ASTN2: variants seen among roughly 807,000 people sequenced by gnomAD.
The protein encoded by ASTN2 is astrotactin 2, also known as astrotactin-2.
Under a neutral mutation model 139.8 loss-of-function variants are expected in ASTN2, and 54 were observed. That is an observed-to-expected ratio of 0.39 (90% CI 0.31 to 0.48). The LOEUF (loss-of-function observed/expected upper bound fraction) is 0.48. Among genes scored for constraint, ASTN2 ranks in the 20% least tolerant of loss-of-function variants. The probability of loss-of-function intolerance (pLI) is 0.95; values close to 1 mark genes in which losing one functional copy is unlikely to be tolerated. For missense variants in ASTN2, 1,565 were observed against 1,725.1 expected, an observed-to-expected ratio of 0.91 and a Z score of 1.64; for synonymous variants, 756 against 719.5, an observed-to-expected ratio of 1.05 and a Z score of -0.81.
At chr9:116,509,192 T>A (rs1850251002) in intron 19 of ASTN2, among the ~76,000 whole-genome samples, 1 of 152,158 alleles carries the variant, frequency 6.6e-6, no homozygotes, top group South Asian at 2.1e-4. Flanking sequence ...TGGCGTGTGA[T>A]GTTCCCCATC....
intron 20 of ASTN2, among the ~76,000 whole-genome samples, chr9:116,448,225 C>T (rs1448892225): frequency 6.6e-6 from 1 of 152,220 alleles, no homozygotes; most frequent in Non-Finnish European, 1.5e-5. Flanking sequence ...TGCTCCTTCC[C>T]CCCACACAGC....
chr9:117,108,300 G>A (rs1003249475), intron 4 of ASTN2, among the ~76,000 whole-genome samples: 18 of 152,106 alleles, frequency 1.2e-4, no homozygotes, highest in African/African-American at 4.1e-4. Context: ...CTAATGGGCA[G>A]AGAACCCTCT....
At chr9:117,286,132 C>A (rs571027256) in intron 2 of ASTN2, among the ~76,000 whole-genome samples, 1 of 151,938 alleles carries the variant, frequency 6.6e-6, no homozygotes, top group South Asian at 2.1e-4. Context: ...TATGACCAAC[C>A]CTCTGAACCA....
At chr9:117,383,191 A>T (rs1830314841) in intron 1 of ASTN2, among the ~76,000 whole-genome samples, 1 of 152,226 alleles carries the variant, frequency 6.6e-6, no homozygotes, top group East Asian at 1.9e-4. Flanking sequence ...AACCATTTAC[A>T]AATGTAAACA....
chr9:116,571,238 T>G (rs1313501000), intron 19 of ASTN2, among the ~76,000 whole-genome samples: 1 of 152,204 alleles, frequency 6.6e-6, no homozygotes. Context: ...CAAGTCTATG[T>G]GGTTTCCCCA....
intron 13 of ASTN2, among the ~76,000 whole-genome samples, chr9:116,803,508 ATATATATATATATATTTTTTTTT>A (rs1475397515): frequency 0.014 from 97 of 7,082 alleles, 3 homozygotes; most frequent in African/African-American, 0.057. Context: ...ATATATATAT[ATATATATATATATATTTTTTTTT>A]TTTTTTTTTT....
intron 10 of ASTN2, among the ~76,000 whole-genome samples, chr9:116,905,866 T>TGGGG (rs375750971): frequency 1.3e-3 from 41 of 32,602 alleles, no homozygotes; most frequent in South Asian, 1.6e-3. Context: ...TTTTTTTTTT[T>TGGGG]GGGGGGGGGT....
chr9:116,761,339 G>A (rs902287726), intron 13 of ASTN2, among the ~76,000 whole-genome samples: 13 of 152,182 alleles, frequency 8.5e-5, no homozygotes, highest in Admixed American at 3.3e-4. Context: ...TGAAGTACCT[G>A]CTGTGTGGTA....
intron 13 of ASTN2, among the ~76,000 whole-genome samples, chr9:116,762,726 A>C (rs1596100): frequency 0.52 from 78,885 of 152,116 alleles, 20,569 homozygotes; most frequent in South Asian, 0.73. Flanking sequence ...AAATGGGTGG[A>C]GGGATGGATT....
intron 17 of ASTN2, among the ~76,000 whole-genome samples, chr9:116,645,637 C>T (rs1438375169): frequency 6.6e-6 from 1 of 152,164 alleles, no homozygotes; most frequent in Admixed American, 6.5e-5. Context: ...GGATTTTACT[C>T]AGAGCCTCTA....
chr9:116,658,220 G>C (rs1858342037), intron 16 of ASTN2, among the ~76,000 whole-genome samples: 1 of 152,100 alleles, frequency 6.6e-6, no homozygotes. Flanking sequence ...GAACCCTCAG[G>C]AGTGCCACTT....
At chr9:116,515,288 A>G (rs2119207689) in intron 19 of ASTN2, among the ~76,000 whole-genome samples, 1 of 152,344 alleles carries the variant, frequency 6.6e-6, no homozygotes, top group South Asian at 2.1e-4. Flanking sequence ...AAAACTAAGC[A>G]TAAGCCAATC....
chr9:116,567,336 C>T (rs962209574), intron 19 of ASTN2, among the ~76,000 whole-genome samples: 2 of 152,212 alleles, frequency 1.3e-5, no homozygotes, highest in African/African-American at 4.8e-5. Context: ...CAAGCCTAGG[C>T]TTCTGTCTCT....
intron 5 of ASTN2, among the ~76,000 whole-genome samples, chr9:117,084,489 C>T (rs143896727): frequency 6.6e-6 from 1 of 152,196 alleles, no homozygotes; most frequent in Non-Finnish European, 1.5e-5. Context: ...CCAATTCAAG[C>T]CACAGCTACG....
chr9:116,435,334 T>G (rs1847618029), intron 22 of ASTN2, among the ~76,000 whole-genome samples: 1 of 152,238 alleles, frequency 6.6e-6, no homozygotes, highest in Non-Finnish European at 1.5e-5. Context: ...TGTGATGTTC[T>G]GCATACTTGC....
intron 19 of ASTN2, among the ~76,000 whole-genome samples, chr9:116,543,513 CCATAAAAAAAGTTTAACATT>C (rs1851964404): frequency 6.6e-6 from 1 of 151,882 alleles, no homozygotes; most frequent in African/African-American, 2.4e-5. Flanking sequence ...CAACAGATTG[CCATAAAAAAAGTTTAACATT>C]CATTAAAAAA....
chr9:116,582,749 CAGG>C (rs1854001432), intron 19 of ASTN2: 1 of 152,226 alleles, frequency 6.6e-6, no homozygotes, highest in African/African-American at 2.4e-5. Context: ...AAACCGTGAT[CAGG>C]AGGTTTAGAA....
intron 20 of ASTN2, among the ~76,000 whole-genome samples, chr9:116,486,661 A>G (rs1849347903): frequency 6.6e-6 from 1 of 152,226 alleles, no homozygotes; most frequent in African/African-American, 2.4e-5. Context: ...TGGTCTATAA[A>G]GCTCTATGTT....
At chr9:116,889,472 G>A (rs1833702666) in intron 10 of ASTN2, among the ~76,000 whole-genome samples, 2 of 152,126 alleles carry the variant, frequency 1.3e-5, no homozygotes, top group Admixed American at 1.3e-4. Context: ...CATCTCTAAT[G>A]AGGCCAATCC....
Sources: gnomAD v4.1 joint callset for allele counts (sites outside exome capture counted in the v4.1 genomes callset) on GRCh38, gnomAD v4.1.1 for gene constraint, MANE v1.5 for transcripts, NCBI Gene and HGNC (gene_info 2026-07-23, HGNC 2026-07-21) for gene names.